The following SETD4 variants were observed in gnomAD, a reference collection of about 807,000 sequenced individuals.
SETD4 encodes SET domain containing 4.
Under a neutral mutation model 58.3 loss-of-function variants are expected in SETD4, and 46 were observed. That is an observed-to-expected ratio of 0.79 (90% confidence interval 0.62 to 1.01). SETD4 has a LOEUF of 1.01. Among genes scored for constraint, SETD4 ranks in the 50% least tolerant of loss-of-function variants. The pLI is 0.00. For missense variants in SETD4, 490 were observed against 523.3 expected, an observed-to-expected ratio of 0.94 and a Z score of 0.62; for synonymous variants, 190 against 202.6, an observed-to-expected ratio of 0.94 and a Z score of 0.53.
rs746925258 is a variant in SETD4, at chr21:36,041,889, C to T, written c.902-1G>A. 1 of 1,274,110 alleles carries T rather than the reference C, an allele frequency of 7.8e-7. No individual in the cohort carries two copies. Among genetic ancestry groups the T allele is most frequent in the Non-Finnish European group, 1.0e-6 (1 of 964,782 alleles). 78.9% of individuals were successfully genotyped at this position (1,274,110 alleles called of 1,614,324 possible). On this transcript the variant is annotated splice_acceptor_variant, in intron 7 of 11. Coordinates refer to ENST00000332131, the MANE Select transcript of SETD4 (RefSeq NM_017438.5). LOFTEE classifies it high-confidence loss of function. ...GATGGAAGATATTTAACAAGTATTT[C>T]TATATTCAAAAAAAAAAATCAGACT... is the stretch of plus-strand genomic sequence containing the variant.
At chr21:36,053,758 A>G (rs2064840419) in intron 3 of SETD4, 138 bp from the exon 4 acceptor site, 4 of 802,244 alleles carry the variant, frequency 5.0e-6, no homozygotes, top group Non-Finnish European at 8.1e-6. Context: ...TTTGATTCCC[A>G]GGGGAAACAG....
intron 1 of SETD4, chr21:36,059,185 C>G (rs1881804397): frequency 4.2e-6 from 1 of 240,310 alleles, no homozygotes; most frequent in Admixed American, 5.7e-5. Context: ...ATCTTGCAGA[C>G]CTAGTGACTA....
intron 4 of SETD4, chr21:36,050,361 G>A (rs2064596987): frequency 6.2e-7 from 1 of 1,613,680 alleles, no homozygotes; most frequent in Non-Finnish European, 8.5e-7. Context: ...GATGGATGAG[G>A]TGGTGCTGAC....
chr21:36,044,305 C>T (rs916697874), intron 6 of SETD4, among the ~76,000 whole-genome samples: 1 of 152,226 alleles, frequency 6.6e-6, no homozygotes, highest in Non-Finnish European at 1.5e-5. Flanking sequence ...AGAGTAAATA[C>T]GTTCAGCTTT....
In SETD4 at chr21:36,053,617, G is replaced by A. The variant is rs1328246934; in HGVS notation, c.173C>T (p.Thr58Ile). The change falls in exon 4 of 12, where the codon ACA becomes ATA. Residue 58 changes from threonine (T) to isoleucine (I), a missense_variant. Physicochemically the swap from Thr to Ile is moderately conservative, Grantham distance 89. Transcript: ENST00000332131. ...TGTTTGACTCATCAGCCCTCTTCCTGTACCTAGGAAAGCAAAGACAGAAAG... is the reference window on the plus strand; with the variant it reads ...TGTTTGACTCATCAGCCCTCTTCCTATACCTAGGAAAGCAAAGACAGAAAG... ...SNLAPACFPG[T>I]GRGLMSQTSL... The A allele has an allele frequency of 6.2e-7, 1 of 1,613,912 alleles. No homozygotes were observed. Among genetic ancestry groups the A allele is most frequent in the South Asian group, 1.1e-5 (1 of 91,076 alleles).
intron 3 of SETD4, among the ~76,000 whole-genome samples, chr21:36,054,581 C>T (rs534211201): frequency 6.9e-4 from 105 of 152,220 alleles, no homozygotes; most frequent in Non-Finnish European, 1.1e-3. Flanking sequence ...GGATTTGATG[C>T]TCCCGGCTCA....
chr21:36,050,582 G>C lies in SETD4; in HGVS notation c.208-2186C>G. 9.3e-6 allele frequency: 15 copies of C among 1,613,866 alleles called. No individual in the cohort carries two copies. The South Asian group carries it at 1.6e-4, about 18-fold the overall frequency. On this transcript the variant is annotated intron_variant, in intron 4 of 11. Coordinates refer to ENST00000332131, the MANE Select transcript of SETD4 (RefSeq NM_017438.5). ...ATAAGTTCTGGACATTTCAAGAGTT[G>C]GCTGGCCATGGTGTTCCTCTGCCGG...
intron 1 of SETD4, chr21:36,059,635 AC>A: frequency 1.6e-6 from 1 of 635,440 alleles, no homozygotes; most frequent in South Asian, 7.1e-5. Context: ...CTGCAGCTAG[AC>A]GAGATCACGC....
chr21:36,038,066 TG>T, intron 10 of SETD4, 83 bp downstream of exon 10: 1 of 1,424,446 alleles, frequency 7.0e-7, no homozygotes, highest in Non-Finnish European at 9.5e-7. Context: ...TCTTATGAAA[TG>T]CACTATCCCT....
At position 36,034,902 on chromosome 21, in the gene SETD4, G is replaced by A. The variant is rs2063731503; in HGVS notation, c.*1091C>T. On this transcript the variant is annotated 3_prime_UTR_variant, in exon 12 of 12. Coordinates refer to ENST00000332131, the MANE Select transcript of SETD4 (RefSeq NM_017438.5). Reference sequence around the variant, plus strand: ...TGAAAAAAAATATACTGCAGCTACTGAAAAATAAACACAAAGTGTATATAC... The same window carrying A: ...TGAAAAAAAATATACTGCAGCTACTAAAAAATAAACACAAAGTGTATATAC... The A allele has an allele frequency of 6.6e-6, 1 of 152,130 alleles. No homozygotes were observed. Among genetic ancestry groups the A allele is most frequent in the Non-Finnish European group, 1.5e-5 (1 of 68,024 alleles). The allele number at this position is 152,130 out of a possible 1,614,324, so 9.4% of individuals were successfully genotyped here.
At chr21:36,051,276 G>T in intron 4 of SETD4, 1 of 1,593,154 alleles carries the variant, frequency 6.3e-7, no homozygotes, top group South Asian at 1.1e-5. Flanking sequence ...TGTTGACAGT[G>T]ACCCTGAAAG....
intron 4 of SETD4, chr21:36,050,261 TC>T: frequency 6.5e-7 from 1 of 1,530,106 alleles, no homozygotes; most frequent in South Asian, 1.1e-5. Flanking sequence ...TGATAGATTG[TC>T]CCATCAGGGA....
chr21:36,051,684 TC>T (rs1320803782), intron 4 of SETD4, among the ~76,000 whole-genome samples: 1 of 152,256 alleles, frequency 6.6e-6, no homozygotes, highest in East Asian at 1.9e-4. Context: ...ACTTTTTTTT[TC>T]ATGGTCCCTT....
chr21:36,044,453 C>T (rs946927003), intron 6 of SETD4, among the ~76,000 whole-genome samples: 2 of 152,178 alleles, frequency 1.3e-5, no homozygotes, highest in East Asian at 3.8e-4. Flanking sequence ...CTACAGTAAA[C>T]TATAAACTCA....
intron 4 of SETD4, chr21:36,052,988 T>C (rs1483660590): frequency 6.6e-6 from 1 of 152,610 alleles, no homozygotes; most frequent in Non-Finnish European, 1.5e-5. Flanking sequence ...ACATGTAACA[T>C]GTGCTGTGGC....
Position 36,041,896 on chromosome 21 carries a change from CAAA to C in SETD4, c.902-11_902-9del. ...GATATTTAACAAGTATTTCTATATTCAAAAAAAAAAATCAGACTGTTAGGGCAT... is the reference window on the plus strand; with the variant it reads ...GATATTTAACAAGTATTTCTATATTCAAAAAAAATCAGACTGTTAGGGCAT... On this transcript the variant is annotated splice_polypyrimidine_tract_variant and intron_variant, in intron 7 of 11. Transcript: ENST00000332131. 8.5e-7 allele frequency: 1 copy of C among 1,181,234 alleles called. No homozygotes were observed. The highest frequency in any genetic ancestry group is 2.9e-5 in the Admixed American group (1 of 34,146). The allele number at this position is 1,181,234 out of a possible 1,614,324, so 73.2% of individuals were successfully genotyped here.
chr21:36,050,985 G>A (rs2064650633), intron 4 of SETD4: 7 of 1,605,530 alleles, frequency 4.4e-6, no homozygotes, highest in Non-Finnish European at 6.0e-6. Context: ...TAATATCCTG[G>A]GGATGGATGT....
chr21:36,051,793 T>G (rs1366466674), intron 4 of SETD4, among the ~76,000 whole-genome samples: 2 of 152,252 alleles, frequency 1.3e-5, no homozygotes, highest in Non-Finnish European at 2.9e-5. Flanking sequence ...GAGGAAAACA[T>G]CTGCTTAAAT....
Position 36,052,512 on chromosome 21 carries a change from C to T in SETD4, c.207+1071G>A, listed in dbSNP as rs529526843. 1.6e-4 allele frequency among the ~76,000 whole-genome samples: 23 copies of T among 146,848 alleles called. No individual in the cohort carries two copies. In the East Asian group the frequency reaches 3.2e-3, roughly 20 times the overall value. On this transcript the variant is annotated intron_variant, in intron 4 of 11. Coordinates refer to ENST00000332131, the MANE Select transcript of SETD4 (RefSeq NM_017438.5). The stretch of plus-strand genomic sequence containing the variant: ...GACGGAGGTTGCAAGGAGCCGAGAT[C>T]GCGCCACTGCACTCCAGCCTGGGCA...
Sources: allele counts gnomAD v4.1 joint callset (sites outside exome capture counted in the v4.1 genomes callset), GRCh38; gene constraint gnomAD v4.1.1; transcripts MANE v1.5; gene names NCBI Gene and HGNC (gene_info 2026-07-23, HGNC 2026-07-21).